Variants in PKP4 observed in about 807,000 individuals in gnomAD.
PKP4 encodes the protein plakophilin-4.
A neutral mutation model predicts 145.1 loss-of-function variants in PKP4; 90 were observed. The ratio of observed to expected loss-of-function variants is 0.62; its 90% CI spans 0.52 to 0.74. The LOEUF is 0.74. Among genes scored for constraint, PKP4 ranks in the 30% least tolerant of loss-of-function variants. The probability of loss-of-function intolerance (pLI) is 0.00; values close to 1 mark genes in which losing one functional copy is unlikely to be tolerated. For missense variants in PKP4, 1,340 were observed against 1,482.7 expected, an observed-to-expected ratio of 0.90 and a Z score of 1.58; for synonymous variants, 563 against 577.2, an observed-to-expected ratio of 0.98 and a Z score of 0.35.
intron 2 of PKP4, among the ~76,000 whole-genome samples, chr2:158,541,623 C>T (rs377475352): frequency 6.6e-6 from 1 of 151,906 alleles, no homozygotes; most frequent in East Asian, 1.9e-4. Flanking sequence ...ATGAAAATAG[C>T]TATAATAAAT....
chr2:158,668,805 G>A (rs752767494), intron 16 of PKP4, among the ~76,000 whole-genome samples: 4 of 152,182 alleles, frequency 2.6e-5, no homozygotes, highest in Admixed American at 6.5e-5. Context: ...GTCTTCTTCT[G>A]CTTACCACTG....
intron 17 of PKP4, among the ~76,000 whole-genome samples, chr2:158,671,331 T>C (rs1453846816): frequency 6.6e-6 from 1 of 152,168 alleles, no homozygotes; most frequent in East Asian, 1.9e-4. Context: ...CAGTCTTTTT[T>C]TTAAATGTAT....
At chr2:158,492,691 T>C (rs1044671719) in intron 1 of PKP4, among the ~76,000 whole-genome samples, 1 of 152,252 alleles carries the variant, frequency 6.6e-6, no homozygotes, top group Non-Finnish European at 1.5e-5. Flanking sequence ...TGTCTCCTTT[T>C]GTCTTTCTGA....
intron 1 of PKP4, among the ~76,000 whole-genome samples, chr2:158,471,968 T>C (rs1286162320): frequency 6.6e-6 from 1 of 152,188 alleles, no homozygotes; most frequent in Non-Finnish European, 1.5e-5. Flanking sequence ...TCCTCAGCTC[T>C]TTTTCTGTAC....
intron 4 of PKP4, among the ~76,000 whole-genome samples, chr2:158,618,038 C>T (rs1034250734): frequency 2.0e-5 from 3 of 152,100 alleles, no homozygotes; most frequent in East Asian, 1.9e-4. Context: ...CAGAAATTAG[C>T]CAGGCATGGT....
At chr2:158,554,915 T>C (rs2045962582) in intron 2 of PKP4, among the ~76,000 whole-genome samples, 1 of 152,120 alleles carries the variant, frequency 6.6e-6, no homozygotes, top group Non-Finnish European at 1.5e-5. Context: ...ACAGCAGGGG[T>C]CCACTACATA....
rs781422789 is a variant in PKP4 at position 158,642,674 on chromosome 2, T to G, written c.1884T>G (p.Asp628Glu). The stretch of plus-strand genomic sequence containing the variant: ...TGCGACTGTTGAGAAAATCTATTGA[T>G]GCAGAAGTAAGGGAGCTTGTTACAG... ...ALLRLLRKSI[D>E]AEVRELVTGV... The change falls in exon 11 of 22, where the codon GAT becomes GAG. Residue 628 changes from aspartate to glutamate, a missense_variant. Physicochemically the swap from Asp to Glu is conservative, Grantham distance 45. Coordinates refer to ENST00000389759, the MANE Select transcript of PKP4 (RefSeq NM_003628.6). 1 of 1,608,700 alleles carries G rather than the reference T, an allele frequency of 6.2e-7. No homozygotes were observed. The highest frequency in any genetic ancestry group is 8.5e-7 in the Non-Finnish European group (1 of 1,176,500).
chr2:158,662,836 C>G lies in PKP4; in HGVS notation c.2212-61C>G. The G allele has an allele frequency of 3.7e-6, 5 of 1,344,916 alleles. No homozygotes were observed. The East Asian group carries it at 9.3e-5, about 25-fold the overall frequency. 83.3% of individuals were successfully genotyped at this position (1,344,916 alleles called of 1,614,324 possible). ...TATTTCCTGTCTGTAGTGTTCAGTA[C>G]AGAAGTGTTTTGCTCTAATGTGCCG... On this transcript the variant is annotated intron_variant, in intron 13 of 21. Transcript: ENST00000389759.
At chr2:158,530,916 T>C (rs2043479278) in intron 1 of PKP4, among the ~76,000 whole-genome samples, 1 of 152,184 alleles carries the variant, frequency 6.6e-6, no homozygotes, top group Non-Finnish European at 1.5e-5. Flanking sequence ...TTTTACACAG[T>C]TATAAGCTCT....
intron 2 of PKP4, among the ~76,000 whole-genome samples, chr2:158,569,887 A>G (rs897530963): frequency 5.9e-5 from 9 of 152,198 alleles, no homozygotes. Flanking sequence ...TCCCAAATCT[A>G]CTTGACCCGG....
At chr2:158,560,065 C>T (rs926080307) in intron 2 of PKP4, among the ~76,000 whole-genome samples, 1 of 152,112 alleles carries the variant, frequency 6.6e-6, no homozygotes, top group African/African-American at 2.4e-5. Flanking sequence ...AAGGGTTTCA[C>T]CATGTTGGCC....
intron 1 of PKP4, among the ~76,000 whole-genome samples, chr2:158,492,622 C>T (rs1006030666): frequency 6.6e-6 from 1 of 152,308 alleles, no homozygotes; most frequent in Non-Finnish European, 1.5e-5. Context: ...CAACACTTGA[C>T]AACCCACTCC....
At chr2:158,542,207 C>T (rs1418402849) in intron 2 of PKP4, among the ~76,000 whole-genome samples, 1 of 152,122 alleles carries the variant, frequency 6.6e-6, no homozygotes, top group Non-Finnish European at 1.5e-5. Flanking sequence ...TTCCCATTGT[C>T]CCACTTTCTC....
chr2:158,591,953 A>G (rs2049307189), intron 3 of PKP4, among the ~76,000 whole-genome samples: 1 of 152,098 alleles, frequency 6.6e-6, no homozygotes, highest in African/African-American at 2.4e-5. Context: ...CTGGACATTA[A>G]AGCTAGAAAT....
intron 2 of PKP4, among the ~76,000 whole-genome samples, chr2:158,556,344 A>T (rs574965216): frequency 7.2e-5 from 11 of 152,300 alleles, no homozygotes; most frequent in South Asian, 2.1e-4. Flanking sequence ...CTTCTCTGAG[A>T]TTCTGCTCCC....
At chr2:158,658,069 T>G in intron 11 of PKP4, 62 bp from the exon 12 acceptor site, 1 of 960,074 alleles carries the variant, frequency 1.0e-6, no homozygotes, top group Non-Finnish European at 1.6e-6. Context: ...GCTAATACGT[T>G]TATTTTATTT....
chr2:158,470,276 A>G (rs1320357487), intron 1 of PKP4, among the ~76,000 whole-genome samples: 1 of 151,994 alleles, frequency 6.6e-6, no homozygotes, highest in Non-Finnish European at 1.5e-5. Context: ...TCCATTGTTT[A>G]CCCTGCTGGA....
chr2:158,556,840 C>A (rs768663628), intron 2 of PKP4, among the ~76,000 whole-genome samples: 5 of 152,146 alleles, frequency 3.3e-5, no homozygotes, highest in Non-Finnish European at 7.4e-5. Flanking sequence ...GAGATGATCA[C>A]GTCAGAGTAA....
chr2:158,467,549 CAAA>C (rs70994208), intron 1 of PKP4, among the ~76,000 whole-genome samples: 1 of 127,886 alleles, frequency 7.8e-6, no homozygotes, highest in African/African-American at 3.0e-5. Context: ...GAGACCTTGT[CAAA>C]AAAAAAAAAA....
Sources: allele counts gnomAD v4.1 joint callset (sites outside exome capture counted in the v4.1 genomes callset), GRCh38; gene constraint gnomAD v4.1.1; transcripts MANE v1.5; gene names NCBI Gene and HGNC (gene_info 2026-07-23, HGNC 2026-07-21).